The following NRXN1 variants were observed in gnomAD, a reference collection of about 807,000 sequenced individuals.
NRXN1 encodes neurexin 1.
Under a neutral mutation model 150.9 loss-of-function variants are expected in NRXN1, and 39 were observed. The observed-to-expected ratio is 0.26, with a 90% CI of 0.20 to 0.34. The LOEUF is 0.34. Ranked by LOEUF, NRXN1 falls within the 10% of genes least tolerant of loss-of-function variation. The probability of loss-of-function intolerance (pLI) is 1.00; values close to 1 mark genes in which losing one functional copy is unlikely to be tolerated. For missense variants in NRXN1, 1,815 were observed against 1,949.9 expected (o/e 0.93, Z 1.30); for synonymous variants, 924 against 757.0 (o/e 1.22, Z -3.62).
intron 21 of NRXN1, among the ~76,000 whole-genome samples, chr2:50,040,964 C>T (rs1201636883): frequency 2.6e-5 from 4 of 152,056 alleles, no homozygotes; most frequent in African/African-American, 9.7e-5. Flanking sequence ...GTGCTGCACC[C>T]ATTAACTCGT....
intron 18 of NRXN1, among the ~76,000 whole-genome samples, chr2:50,223,497 G>C (rs779625043): frequency 4.0e-5 from 6 of 151,828 alleles, no homozygotes; most frequent in Non-Finnish European, 8.8e-5. Flanking sequence ...GTTTTTTAAA[G>C]ATCAAATGAA....
chr2:50,829,999 G>GGAAAAAAAAAAAAAAA (rs1425873902), intron 5 of NRXN1, among the ~76,000 whole-genome samples: 2 of 58,180 alleles, frequency 3.4e-5, no homozygotes, highest in East Asian at 7.6e-4. Flanking sequence ...CTGCCTGCTG[G>GGAAAAAAAAAAAAAAA]AAAAAAAAAA....
intron 21 of NRXN1, among the ~76,000 whole-genome samples, chr2:49,953,704 G>A (rs1445890283): frequency 6.6e-6 from 1 of 151,880 alleles, no homozygotes. Flanking sequence ...GTAATTAATT[G>A]TGTCTCACAG....
At position 50,073,954 on chromosome 2, in the gene NRXN1, A is replaced by G. The variant is rs1696672913; in HGVS notation, c.3718+17369T>C. On this transcript the variant is annotated intron_variant, in intron 19 of 22. Transcript: ENST00000401669. ...ATGCCAAAGGAGGTCAGTGCAATGC[A>G]TTTTCTTTTTTAGTTTTTGTTTGCA... Among the ~76,000 whole-genome samples, 2 of 152,112 alleles carry G rather than the reference A, an allele frequency of 1.3e-5. 1 individual carries two copies. The highest frequency in any genetic ancestry group is 4.1e-4 in the South Asian group (2 of 4,824).
At chr2:50,151,515 A>G (rs2058695526) in intron 18 of NRXN1, among the ~76,000 whole-genome samples, 1 of 151,798 alleles carries the variant, frequency 6.6e-6, no homozygotes, top group Non-Finnish European at 1.5e-5. Flanking sequence ...AGGGGAGGTT[A>G]GGCCTCAGGC....
chr2:50,877,066 T>G (rs1678704530), intron 5 of NRXN1, among the ~76,000 whole-genome samples: 1 of 151,860 alleles, frequency 6.6e-6, no homozygotes, highest in Admixed American at 6.6e-5. Context: ...TTTTACTGTC[T>G]CTTTCTTCCT....
At position 50,620,091 on chromosome 2, in the gene NRXN1, T is replaced by A; in HGVS notation, c.1251A>T (p.Gly417=). The part of the protein sequence containing the change: ...MLGSDDFFYV[G]GSPSTADLPG... ...GAAGGTCGGCTGTGCTGGGACTGCC[T>A]CCAACATAGAAAAAGTCATCAGACC... The change falls in exon 8 of 23, where the codon GGA becomes GGT. Residue 417 remains glycine (G), a synonymous_variant. Coordinates refer to ENST00000401669, the MANE Select transcript of NRXN1 (RefSeq NM_001330078.2). The A allele has an allele frequency of 6.2e-7, 1 of 1,613,338 alleles. No individual in the cohort carries two copies. Among genetic ancestry groups the A allele is most frequent in the Non-Finnish European group, 8.5e-7 (1 of 1,179,590 alleles).
intron 9 of NRXN1, chr2:50,551,417 A>T (rs1262711823): frequency 6.6e-6 from 1 of 152,232 alleles, no homozygotes; most frequent in Non-Finnish European, 1.5e-5. Context: ...GAAGGATAAG[A>T]GGGAAGTAGA....
chr2:50,894,441 T>C (rs1199685899), intron 5 of NRXN1, among the ~76,000 whole-genome samples: 1 of 151,744 alleles, frequency 6.6e-6, no homozygotes, highest in Non-Finnish European at 1.5e-5. Context: ...GCACGAACAA[T>C]TCAAGATTTG....
intron 8 of NRXN1, among the ~76,000 whole-genome samples, chr2:50,601,546 C>T (rs951691754): frequency 6.6e-6 from 1 of 152,112 alleles, no homozygotes; most frequent in African/African-American, 2.4e-5. Context: ...GTCAGTTGTT[C>T]AAAGATATCC....
Position 50,232,393 on chromosome 2 carries a change from T to TTTC in NRXN1, c.3546+4395_3546+4396insGAA, listed in dbSNP as rs1559138374. On this transcript the variant is annotated intron_variant, in intron 18 of 22. Transcript: ENST00000401669. Reference sequence around the variant, plus strand: ...TTTTTCTTTCTTTTCTTTTCTTTTTTTTTTTTTTTTTTGAGACGGAGTGTC... The same window carrying TTTC: ...TTTTTCTTTCTTTTCTTTTCTTTTTTTTCTTTTTTTTTTTTGAGACGGAGTGTC... Among the ~76,000 whole-genome samples the TTTC allele has an allele frequency of 4.3e-4, 63 of 146,478 alleles. 1 individual carries two copies. The highest frequency in any genetic ancestry group is 1.5e-3 in the African/African-American group (61 of 39,874).
intron 5 of NRXN1, among the ~76,000 whole-genome samples, chr2:50,714,363 T>A (rs1695587665): frequency 6.6e-6 from 1 of 152,134 alleles, no homozygotes; most frequent in South Asian, 2.1e-4. Context: ...TCTGTCTTTT[T>A]TTTCAGTGTC....
At chr2:50,510,145 C>G (rs1389227450) in intron 12 of NRXN1, among the ~76,000 whole-genome samples, 1 of 152,084 alleles carries the variant, frequency 6.6e-6, no homozygotes, top group Non-Finnish European at 1.5e-5. Context: ...TCTGTTGTAA[C>G]AGCCCAAGAA....
intron 5 of NRXN1, among the ~76,000 whole-genome samples, chr2:50,776,558 A>G (rs1212158841): frequency 1.3e-5 from 2 of 151,526 alleles, no homozygotes; most frequent in Non-Finnish European, 2.9e-5. Flanking sequence ...ACTTTAACAA[A>G]ATCTAATGTG....
chr2:50,149,732 C>A (rs1418745502), intron 18 of NRXN1, among the ~76,000 whole-genome samples: 1 of 151,554 alleles, frequency 6.6e-6, no homozygotes, highest in African/African-American at 2.4e-5. Context: ...GTGCCAAGCA[C>A]ATAATAAACA....
At chr2:50,521,873 A>G (rs972797077) in intron 12 of NRXN1, among the ~76,000 whole-genome samples, 1 of 152,200 alleles carries the variant, frequency 6.6e-6, no homozygotes, top group Non-Finnish European at 1.5e-5. Flanking sequence ...ATCTGCCACC[A>G]AAACTAAGAT....
At chr2:50,034,296 G>A (rs1689666455) in intron 21 of NRXN1, among the ~76,000 whole-genome samples, 1 of 152,052 alleles carries the variant, frequency 6.6e-6, no homozygotes, top group African/African-American at 2.4e-5. Context: ...TGTACACCAT[G>A]GAATACTATG....
intron 18 of NRXN1, among the ~76,000 whole-genome samples, chr2:50,156,912 T>C (rs1354499512): frequency 2.0e-5 from 3 of 152,068 alleles, no homozygotes; most frequent in Non-Finnish European, 2.9e-5. Context: ...TTGTCTCTTA[T>C]GTACCACACA....
intron 2 of NRXN1, among the ~76,000 whole-genome samples, chr2:51,003,565 G>A (rs1700330893): frequency 1.3e-5 from 2 of 152,076 alleles, no homozygotes; most frequent in Admixed American, 6.6e-5. Flanking sequence ...GAGTAACTGT[G>A]TAAGACATGA....
Sources: allele counts gnomAD v4.1 joint callset (sites outside exome capture counted in the v4.1 genomes callset), GRCh38; gene constraint gnomAD v4.1.1; transcripts MANE v1.5; gene names NCBI Gene and HGNC (gene_info 2026-07-23, HGNC 2026-07-21).